ITGA9: variants seen among roughly 807,000 people sequenced by gnomAD.
ITGA9 encodes the protein integrin alpha-9.
A neutral mutation model predicts 127.8 loss-of-function variants in ITGA9; 56 were observed. The observed-to-expected ratio is 0.44, with a 90% CI of 0.35 to 0.55. The LOEUF is 0.55. ITGA9 is among the 20% of genes least tolerant of loss of function. The probability of loss-of-function intolerance (pLI) is 0.00; values close to 1 mark genes in which losing one functional copy is unlikely to be tolerated. For synonymous variants in ITGA9, 508 were observed against 514.5 expected (o/e 0.99, Z 0.17); for missense variants, 1,196 against 1,347.1 (o/e 0.89, Z 1.76).
At chr3:37,662,295 C>T (rs1286353313) in intron 17 of ITGA9, among the ~76,000 whole-genome samples, 1 of 151,934 alleles carries the variant, frequency 6.6e-6, no homozygotes, top group Non-Finnish European at 1.5e-5. Context: ...CCCAGCTACT[C>T]GGGAGGCTGA....
intron 8 of ITGA9, among the ~76,000 whole-genome samples, chr3:37,511,255 A>C (rs1454943736): frequency 2.0e-5 from 3 of 152,250 alleles, no homozygotes; most frequent in Non-Finnish European, 4.4e-5. Flanking sequence ...CAAATAGTAC[A>C]CTTAAGAAAT....
chr3:37,619,740 T>C (rs1369680453), intron 15 of ITGA9, among the ~76,000 whole-genome samples: 1 of 152,246 alleles, frequency 6.6e-6, no homozygotes, highest in Non-Finnish European at 1.5e-5. Context: ...AGATCTTTTA[T>C]GCGGCTTGGG....
chr3:37,787,720 T>A (rs914870098), intron 26 of ITGA9, among the ~76,000 whole-genome samples: 2 of 152,246 alleles, frequency 1.3e-5, no homozygotes, highest in African/African-American at 4.8e-5. Context: ...CCTGGCCTTC[T>A]GTCAACTATC....
intron 6 of ITGA9, 91 bp downstream of exon 6, chr3:37,503,398 GAGTT>G: frequency 6.8e-7 from 1 of 1,468,692 alleles, no homozygotes; most frequent in Non-Finnish European, 9.4e-7. Flanking sequence ...TTGGAAAGAG[GAGTT>G]AGTTGGCTTT....
At chr3:37,654,510 A>C (rs1700458992) in intron 17 of ITGA9, among the ~76,000 whole-genome samples, 1 of 152,208 alleles carries the variant, frequency 6.6e-6, no homozygotes, top group Non-Finnish European at 1.5e-5. Context: ...TCCTTCTGAA[A>C]GACTGTTTTA....
At chr3:37,702,731 T>C (rs1700961130) in intron 18 of ITGA9, among the ~76,000 whole-genome samples, 1 of 152,066 alleles carries the variant, frequency 6.6e-6, no homozygotes, top group African/African-American at 2.4e-5. Flanking sequence ...CTAACCCTCA[T>C]CTTAAGAATA....
chr3:37,757,803 G>A (rs942832064), intron 23 of ITGA9, among the ~76,000 whole-genome samples: 3 of 151,356 alleles, frequency 2.0e-5, no homozygotes, highest in Non-Finnish European at 2.9e-5. Context: ...AAAAATCACC[G>A]ACCCAGATAG....
intron 15 of ITGA9, among the ~76,000 whole-genome samples, chr3:37,595,877 T>C (rs1314642256): frequency 6.6e-6 from 1 of 152,184 alleles, no homozygotes; most frequent in Non-Finnish European, 1.5e-5. Flanking sequence ...CGAGAGGCCA[T>C]TAGAAGCCCC....
rs187105522 is a variant in ITGA9, at chr3:37,738,323, C to T, written c.2234+1340C>T. On this transcript the variant is annotated intron_variant, in intron 20 of 27. Coordinates refer to ENST00000264741, the MANE Select transcript of ITGA9 (RefSeq NM_002207.3). ...TTTTCAGGCTGAAGCAACATGGGCACGGCAGTGAGGCTGTCCATGGGGCAA... is the reference window on the plus strand; with the variant it reads ...TTTTCAGGCTGAAGCAACATGGGCATGGCAGTGAGGCTGTCCATGGGGCAA... 2.8e-3 allele frequency among the ~76,000 whole-genome samples: 432 copies of T among 152,268 alleles called. 3 individuals carry two copies. Among genetic ancestry groups the T allele is most frequent in the Non-Finnish European group, 4.5e-3 (309 of 68,030 alleles).
At chr3:37,516,860 G>T (rs1698988644) in intron 9 of ITGA9, among the ~76,000 whole-genome samples, 1 of 152,040 alleles carries the variant, frequency 6.6e-6, no homozygotes, top group Non-Finnish European at 1.5e-5. Flanking sequence ...CAAGTTAGAT[G>T]ACTTTTCCTG....
chr3:37,736,432 T>G (rs13065705), intron 19 of ITGA9, among the ~76,000 whole-genome samples: 2,314 of 152,340 alleles, frequency 0.015, 27 homozygotes, highest in Middle Eastern at 0.048. Flanking sequence ...ATTGCTCTGT[T>G]TTCATTGTGT....
intron 23 of ITGA9, among the ~76,000 whole-genome samples, chr3:37,765,125 T>G (rs760120406): frequency 7.9e-5 from 12 of 152,068 alleles, no homozygotes; most frequent in Non-Finnish European, 1.6e-4. Flanking sequence ...AATGGCTGCT[T>G]CCACTCTGTT....
rs554523984 is a variant in ITGA9 at position 37,700,283 on chromosome 3, C to T, written c.2067+16268C>T. ...ACAGGTGTGAGCCACTGCACCTAGCCGGACATACTATTTGTTTGTTGCTGG... is the reference window on the plus strand; with the variant it reads ...ACAGGTGTGAGCCACTGCACCTAGCTGGACATACTATTTGTTTGTTGCTGG... On this transcript the variant is annotated intron_variant, in intron 18 of 27. Transcript: ENST00000264741. 2.6e-5 allele frequency among the ~76,000 whole-genome samples: 4 copies of T among 152,152 alleles called. No individual in the cohort carries two copies. In the East Asian group the frequency reaches 5.8e-4, roughly 22 times the overall value.
intron 15 of ITGA9, among the ~76,000 whole-genome samples, chr3:37,593,763 T>C (rs1008842566): frequency 6.6e-6 from 1 of 152,228 alleles, no homozygotes; most frequent in Non-Finnish European, 1.5e-5. Context: ...TCTTCTGTGT[T>C]GGGTATTGTC....
intron 15 of ITGA9, among the ~76,000 whole-genome samples, chr3:37,574,085 G>A (rs867743053): frequency 1.1e-4 from 16 of 152,154 alleles, no homozygotes; most frequent in Admixed American, 3.9e-4. Context: ...CCCAGTCAAT[G>A]TCCTGTCTTG....
rs933484365 is a variant in ITGA9, at chr3:37,822,943, G to A, written c.*3954G>A. 2 of 152,162 alleles carry A rather than the reference G, an allele frequency of 1.3e-5. No homozygotes were observed. Among genetic ancestry groups the A allele is most frequent in the African/African-American group, 2.4e-5 (1 of 41,416 alleles). 9.4% of individuals were successfully genotyped at this position (152,162 alleles called of 1,614,324 possible). On this transcript the variant is annotated 3_prime_UTR_variant, in exon 28 of 28. Coordinates refer to ENST00000264741, the MANE Select transcript of ITGA9 (RefSeq NM_002207.3). ...CACTTGGAGCCTTTAGTAGACAAAA[G>A]GCAGAAAGTGAGCATCATTTCAGAA...
intron 23 of ITGA9, among the ~76,000 whole-genome samples, chr3:37,773,571 A>G (rs552883059): frequency 6.6e-6 from 1 of 151,258 alleles, no homozygotes; most frequent in Non-Finnish European, 1.5e-5. Flanking sequence ...CATTTCCCTA[A>G]TTAGATAAAT....
intron 5 of ITGA9, among the ~76,000 whole-genome samples, chr3:37,495,802 A>G (rs1698722013): frequency 6.6e-6 from 1 of 152,230 alleles, no homozygotes; most frequent in Non-Finnish European, 1.5e-5. Flanking sequence ...GCTAGGTTAG[A>G]ACACTTTATC....
intron 15 of ITGA9, among the ~76,000 whole-genome samples, chr3:37,596,374 G>A (rs568268329): frequency 7.6e-4 from 116 of 152,282 alleles, no homozygotes; most frequent in African/African-American, 2.4e-3. Flanking sequence ...GGAGAGAGGC[G>A]TTTTTGGAGA....
Sources: allele counts gnomAD v4.1 joint callset (sites outside exome capture counted in the v4.1 genomes callset), GRCh38; gene constraint gnomAD v4.1.1; transcripts MANE v1.5; gene names NCBI Gene and HGNC (gene_info 2026-07-23, HGNC 2026-07-21).